Variants in MGST2 observed in about 807,000 individuals in gnomAD.
MGST2 encodes the protein glutathione peroxidase MGST2.
Under a neutral mutation model 16.6 loss-of-function variants are expected in MGST2, and 9 were observed. The ratio of observed to expected loss-of-function variants is 0.54; its 90% CI spans 0.33 to 0.95. MGST2 has a LOEUF of 0.95. MGST2 is among the 40% of genes least tolerant of loss of function. The probability of loss-of-function intolerance (pLI) is 0.03; values close to 1 mark genes in which losing one functional copy is unlikely to be tolerated. For missense variants in MGST2, 159 were observed against 175.1 expected, an observed-to-expected ratio of 0.91 and a Z score of 0.52; for synonymous variants, 79 against 68.0, an observed-to-expected ratio of 1.16 and a Z score of -0.79.
intron 3 of MGST2, among the ~76,000 whole-genome samples, chr4:139,702,106 G>T (rs1211846815): frequency 1.3e-5 from 2 of 152,152 alleles, no homozygotes; most frequent in African/African-American, 2.4e-5. Flanking sequence ...GAAGAGAGTG[G>T]GGCCCTAACA....
chr4:139,722,368 T>C (rs1177317011), intron 5 of MGST2, among the ~76,000 whole-genome samples: 1 of 152,234 alleles, frequency 6.6e-6, no homozygotes, highest in Non-Finnish European at 1.5e-5. Context: ...CCTTCCGTGA[T>C]TTTAAATATA....
At chr4:139,691,913 G>C (rs1368441810) in intron 2 of MGST2, among the ~76,000 whole-genome samples, 1 of 152,064 alleles carries the variant, frequency 6.6e-6, no homozygotes, top group Non-Finnish European at 1.5e-5. Context: ...TGTTAGCCAG[G>C]ACGGTCTCGA....
chr4:139,722,960 T>C (rs566405283), intron 5 of MGST2, among the ~76,000 whole-genome samples: 1 of 152,300 alleles, frequency 6.6e-6, no homozygotes, highest in African/African-American at 2.4e-5. Context: ...CTGGCTTTAC[T>C]GATAGTATTC....
At chr4:139,685,976 T>C (rs1314511089) in intron 2 of MGST2, among the ~76,000 whole-genome samples, 1 of 152,236 alleles carries the variant, frequency 6.6e-6, no homozygotes, top group East Asian at 1.9e-4. Flanking sequence ...AAGAGATTTA[T>C]TCTGAGCCAA....
At chr4:139,730,300 T>C (rs1456242788) in intron 5 of MGST2, 1 of 904,992 alleles carries the variant, frequency 1.1e-6, no homozygotes, top group South Asian at 1.6e-5. Context: ...TGGGAAATGC[T>C]AGACCGTGAG....
chr4:139,691,168 T>C (rs1376278858), intron 2 of MGST2, among the ~76,000 whole-genome samples: 1 of 152,168 alleles, frequency 6.6e-6, no homozygotes, highest in Admixed American at 6.5e-5. Context: ...GTTTTTCCAG[T>C]ATGGACATGC....
intron 5 of MGST2, among the ~76,000 whole-genome samples, chr4:139,711,606 G>A (rs987067161): frequency 6.6e-6 from 1 of 152,142 alleles, no homozygotes; most frequent in African/African-American, 2.4e-5. Flanking sequence ...CGCCATTTTG[G>A]TTTTGCTGGA....
intron 5 of MGST2, among the ~76,000 whole-genome samples, chr4:139,722,469 CT>C (rs1035940101): frequency 1.3e-5 from 2 of 151,998 alleles, no homozygotes; most frequent in Non-Finnish European, 2.9e-5. Context: ...TTTTCTTTTT[CT>C]TTTTTTGGTC....
At chr4:139,719,652 T>C (rs1457193021) in intron 5 of MGST2, 2 of 1,612,948 alleles carry the variant, frequency 1.2e-6, no homozygotes, top group Non-Finnish European at 1.7e-6. Context: ...GATGGCATCA[T>C]CTGCCGACCC....
At chr4:139,710,510 G>A (rs1330046437) in intron 5 of MGST2, among the ~76,000 whole-genome samples, 2 of 152,100 alleles carry the variant, frequency 1.3e-5, no homozygotes, top group South Asian at 2.1e-4. Context: ...AGAGCTTCAC[G>A]TTTTTACTTC....
In MGST2 at chr4:139,666,041, C is replaced by A; in HGVS notation, c.22C>A (p.Leu8Met). The change falls in exon 1 of 5, where the codon CTG becomes ATG. Residue 8 changes from leucine (L) to methionine (M), a missense_variant. Physicochemically the swap from Leu to Met is conservative, Grantham distance 15. Transcript: ENST00000265498. ...AAAGATGGCCGGGAACTCGATCCTG[C>A]TGGCTGCTGTCTCTATTCTCTCGGC... MAGNSILLAAVSILSACQ... is the reference protein window; with the variant it reads MAGNSILMAAVSILSACQ... The A allele has an allele frequency of 6.2e-7, 1 of 1,614,070 alleles. No individual in the cohort carries two copies. Among genetic ancestry groups the A allele is most frequent in the Non-Finnish European group, 8.5e-7 (1 of 1,180,022 alleles).
At chr4:139,698,254 G>A (rs1192637567) in intron 3 of MGST2, 9 of 1,154,810 alleles carry the variant, frequency 7.8e-6, no homozygotes, top group Non-Finnish European at 1.2e-5. Context: ...AGGCCAACCA[G>A]ATAGGCCTCA....
intron 3 of MGST2, among the ~76,000 whole-genome samples, chr4:139,696,940 G>C (rs1053448220): frequency 6.6e-6 from 1 of 151,940 alleles, no homozygotes; most frequent in Non-Finnish European, 1.5e-5. Flanking sequence ...GTGTTTGGGG[G>C]CAAGTAGACT....
rs189774355 is a variant in MGST2 at position 139,690,648 on chromosome 4, G to T, written c.159-4549G>T. On this transcript the variant is annotated intron_variant, in intron 2 of 4. Transcript: ENST00000265498. ...AGGAGGATGTGTGCATATTTTTATG[G>T]GGCTGTGCAACTGTTAGAGCTATGC... Among the ~76,000 whole-genome samples, 3 of 152,204 alleles carry T rather than the reference G, an allele frequency of 2.0e-5. No individual in the cohort carries two copies. In the East Asian group the frequency reaches 5.8e-4, roughly 29 times the overall value.
chr4:139,720,221 G>A (rs539161880), intron 5 of MGST2: 10 of 1,612,648 alleles, frequency 6.2e-6, no homozygotes, highest in Admixed American at 3.3e-5. Context: ...GTTCTGGGAG[G>A]GTCCTATTCC....
intron 3 of MGST2, among the ~76,000 whole-genome samples, chr4:139,701,092 C>T (rs888427338): frequency 2.0e-5 from 3 of 152,200 alleles, no homozygotes; most frequent in Admixed American, 6.5e-5. Context: ...AGCACGTTAA[C>T]AACTAATAAG....
At chr4:139,693,404 C>CAAA (rs55723907) in intron 2 of MGST2, among the ~76,000 whole-genome samples, 4 of 66,726 alleles carry the variant, frequency 6.0e-5, no homozygotes, top group Non-Finnish European at 1.2e-4. Context: ...GACTACGTCT[C>CAAA]AAAAAAAAAA....
chr4:139,708,863 A>C (rs1303664591), downstream of MGST2, among the ~76,000 whole-genome samples: 3 of 151,834 alleles, frequency 2.0e-5, no homozygotes, highest in African/African-American at 2.4e-5. Context: ...TTAGCCGGGC[A>C]TGGTGGCACA....
intron 2 of MGST2, among the ~76,000 whole-genome samples, chr4:139,684,568 G>C (rs1289252298): frequency 1.3e-5 from 2 of 152,208 alleles, no homozygotes; most frequent in Non-Finnish European, 2.9e-5. Flanking sequence ...CATGTGCATG[G>C]CTGGGGCTTA....
Sources: gnomAD v4.1 joint callset for allele counts (sites outside exome capture counted in the v4.1 genomes callset) on GRCh38, gnomAD v4.1.1 for gene constraint, MANE v1.5 for transcripts, NCBI Gene and HGNC (gene_info 2026-07-23, HGNC 2026-07-21) for gene names.